ARL15: variants seen among roughly 807,000 people sequenced by gnomAD.
ARL15 encodes the protein ARF like GTPase 15, also known as ADP-ribosylation factor-like protein 15.
ARL15 carries 19 observed loss-of-function variants against 25.2 expected under a neutral mutation model. The observed-to-expected ratio is 0.75, with a 90% CI of 0.53 to 1.10. ARL15 has a LOEUF of 1.10. ARL15 is among the 50% of genes least tolerant of loss of function. The pLI, the probability that ARL15 is intolerant of heterozygous loss-of-function variation, is 0.00. For synonymous variants in ARL15, 94 were observed against 86.8 expected (o/e 1.08, Z -0.46); for missense variants, 220 against 246.0 (o/e 0.89, Z 0.71).
At chr5:54,261,781 C>T (rs1175211514) in intron 1 of ARL15, among the ~76,000 whole-genome samples, 1 of 151,924 alleles carries the variant, frequency 6.6e-6, no homozygotes, top group Admixed American at 6.6e-5. Flanking sequence ...ATGACCACAC[C>T]GTTTTTTCGG....
At chr5:54,037,490 C>G (rs1750206164) in intron 4 of ARL15, among the ~76,000 whole-genome samples, 1 of 152,042 alleles carries the variant, frequency 6.6e-6, no homozygotes, top group Non-Finnish European at 1.5e-5. Flanking sequence ...TTAATCCACA[C>G]TGAAAACTAG....
chr5:53,935,643 G>A (rs1292241588), intron 4 of ARL15, among the ~76,000 whole-genome samples: 1 of 152,204 alleles, frequency 6.6e-6, no homozygotes, highest in African/African-American at 2.4e-5. Flanking sequence ...CTGGGAGTGT[G>A]GAGCGGGAGG....
chr5:53,951,835 T>G (rs1162572762), intron 4 of ARL15, among the ~76,000 whole-genome samples: 1 of 149,806 alleles, frequency 6.7e-6, no homozygotes, highest in Non-Finnish European at 1.5e-5. Context: ...CTCTTAGACT[T>G]TACATAAAAG....
chr5:54,044,670 G>A (rs1750452476), intron 4 of ARL15, among the ~76,000 whole-genome samples: 1 of 152,052 alleles, frequency 6.6e-6, no homozygotes, highest in Admixed American at 6.6e-5. Context: ...CAAGATAGGA[G>A]GTTTTATATT....
chr5:53,982,748 G>A (rs1748165705), intron 4 of ARL15, among the ~76,000 whole-genome samples: 1 of 152,130 alleles, frequency 6.6e-6, no homozygotes, highest in Admixed American at 6.5e-5. Context: ...CTAGATCCTT[G>A]AGGAATCGCC....
At chr5:54,102,059 C>T (rs1250372972) in intron 4 of ARL15, among the ~76,000 whole-genome samples, 2 of 149,272 alleles carry the variant, frequency 1.3e-5, no homozygotes, top group Admixed American at 1.3e-4. Flanking sequence ...GTCACTTAGA[C>T]TGGAGTGCAG....
chr5:54,157,700 C>T (rs756038074), intron 2 of ARL15, among the ~76,000 whole-genome samples: 13 of 152,136 alleles, frequency 8.5e-5, no homozygotes, highest in Non-Finnish European at 1.5e-4. Context: ...CACGAGCCTC[C>T]GCACCCAGCC....
intron 4 of ARL15, among the ~76,000 whole-genome samples, chr5:53,958,192 GAA>G (rs70986652): frequency 8.6e-6 from 1 of 116,336 alleles, no homozygotes. Context: ...TCAAAAAAAA[GAA>G]AAAAAAAAAA....
chr5:53,939,924 C>A (rs1222367353), intron 4 of ARL15, among the ~76,000 whole-genome samples: 1 of 150,818 alleles, frequency 6.6e-6, no homozygotes, highest in Non-Finnish European at 1.5e-5. Flanking sequence ...ACAACAACAA[C>A]AACAACAACA....
intron 4 of ARL15, among the ~76,000 whole-genome samples, chr5:54,099,057 G>A (rs1752364768): frequency 6.6e-6 from 1 of 152,290 alleles, no homozygotes; most frequent in East Asian, 1.9e-4. Context: ...ACACACAAGT[G>A]ACATACTATA....
chr5:53,975,706 T>C (rs1747900023), intron 4 of ARL15, among the ~76,000 whole-genome samples: 1 of 152,206 alleles, frequency 6.6e-6, no homozygotes, highest in African/African-American at 2.4e-5. Context: ...AAAAGTGTCA[T>C]ATGATTCTTC....
intron 1 of ARL15, among the ~76,000 whole-genome samples, chr5:54,196,407 C>G (rs947666790): frequency 2.6e-5 from 4 of 152,106 alleles, no homozygotes; most frequent in African/African-American, 9.7e-5. Context: ...GCCAAATCAC[C>G]TAAAAAACTG....
chr5:54,171,938 G>C lies in ARL15; in HGVS notation c.49-10C>G, dbSNP rs1391385466. The C allele has an allele frequency of 2.5e-6, 4 of 1,600,254 alleles. No homozygotes were observed. The African/African-American group carries it at 4.0e-5, about 16-fold the overall frequency. On this transcript the variant is annotated splice_polypyrimidine_tract_variant and intron_variant, in intron 1 of 4. Coordinates refer to ENST00000504924, the MANE Select transcript of ARL15 (RefSeq NM_019087.3). The stretch of plus-strand genomic sequence containing the variant: ...AAAGTGCTCTAAAACACTGCCAAAA[G>C]AAGGGGAAAAAAATGTTCCTTTAAA...
chr5:53,916,439 A>G (rs1745650667), intron 4 of ARL15, among the ~76,000 whole-genome samples: 1 of 24,558 alleles, frequency 4.1e-5, no homozygotes, highest in Non-Finnish European at 1.9e-4. Flanking sequence ...TTTGTACACC[A>G]AACCCCAGTG....
At chr5:54,295,469 C>T (rs992001718) in intron 1 of ARL15, among the ~76,000 whole-genome samples, 1 of 152,168 alleles carries the variant, frequency 6.6e-6, no homozygotes, top group Non-Finnish European at 1.5e-5. Flanking sequence ...ACCCACAGCC[C>T]AAGGCCAGGT....
intron 1 of ARL15, among the ~76,000 whole-genome samples, chr5:54,192,288 T>C (rs1755426298): frequency 6.6e-6 from 1 of 151,376 alleles, no homozygotes; most frequent in Admixed American, 6.6e-5. Flanking sequence ...CCAAAAAAAT[T>C]GCAACCTTTC....
chr5:54,011,505 T>C (rs1749243023), intron 4 of ARL15, among the ~76,000 whole-genome samples: 1 of 152,164 alleles, frequency 6.6e-6, no homozygotes, highest in Admixed American at 6.6e-5. Context: ...CTATTCTTCA[T>C]GGGTAGAAAC....
At chr5:53,891,946 C>T (rs927239721) in intron 4 of ARL15, among the ~76,000 whole-genome samples, 6 of 152,196 alleles carry the variant, frequency 3.9e-5, no homozygotes, top group Admixed American at 1.3e-4. Flanking sequence ...AAAACAACAA[C>T]AGCAGTGGTC....
chr5:54,269,156 G>C (rs1187044143), intron 1 of ARL15, among the ~76,000 whole-genome samples: 1 of 151,872 alleles, frequency 6.6e-6, no homozygotes, highest in East Asian at 1.9e-4. Context: ...CACCAGCATG[G>C]CACATGTATA....
Sources: gnomAD v4.1 joint callset for allele counts (sites outside exome capture counted in the v4.1 genomes callset) on GRCh38, gnomAD v4.1.1 for gene constraint, MANE v1.5 for transcripts, NCBI Gene and HGNC (gene_info 2026-07-23, HGNC 2026-07-21) for gene names.